The following PDGFC variants were observed in gnomAD, a reference collection of about 807,000 sequenced individuals.
PDGFC encodes platelet derived growth factor C, also known as platelet-derived growth factor C.
A neutral mutation model predicts 35.5 loss-of-function variants in PDGFC; 12 were observed. The ratio of observed to expected loss-of-function variants is 0.34; its 90% CI spans 0.22 to 0.55. The LOEUF is 0.55. PDGFC is among the 20% of genes least tolerant of loss of function. The probability of loss-of-function intolerance (pLI) is 0.91; values close to 1 mark genes in which losing one functional copy is unlikely to be tolerated. For synonymous variants in PDGFC, 159 were observed against 148.8 expected (o/e 1.07, Z -0.50); for missense variants, 322 against 412.4 (o/e 0.78, Z 1.90).
intron 1 of PDGFC, among the ~76,000 whole-genome samples, chr4:156,870,054 C>T (rs1729942617): frequency 1.3e-5 from 2 of 151,510 alleles, no homozygotes; most frequent in Non-Finnish European, 2.9e-5. Flanking sequence ...TTCTAAATAT[C>T]ACTTACTGTA....
At chr4:156,853,052 A>G (rs1729492756) in intron 1 of PDGFC, among the ~76,000 whole-genome samples, 1 of 152,204 alleles carries the variant, frequency 6.6e-6, no homozygotes, top group Non-Finnish European at 1.5e-5. Context: ...CCTAACTGAC[A>G]GAACTGAAGT....
intron 3 of PDGFC, among the ~76,000 whole-genome samples, chr4:156,785,857 A>G (rs927973279): frequency 2.0e-5 from 3 of 152,318 alleles, no homozygotes; most frequent in Middle Eastern, 3.4e-3. Flanking sequence ...CAGTTGATCA[A>G]TATCTTCCCA....
chr4:156,959,474 G>A (rs1312210232), intron 1 of PDGFC, among the ~76,000 whole-genome samples: 2 of 151,868 alleles, frequency 1.3e-5, no homozygotes, highest in East Asian at 1.9e-4. Context: ...GTTTAAGAGT[G>A]TTTGAATGAG....
At chr4:156,918,332 T>C (rs1731196685) in intron 1 of PDGFC, among the ~76,000 whole-genome samples, 1 of 152,256 alleles carries the variant, frequency 6.6e-6, no homozygotes, top group Non-Finnish European at 1.5e-5. Flanking sequence ...TCAATTATTT[T>C]AGCACTAAAG....
intron 1 of PDGFC, among the ~76,000 whole-genome samples, chr4:156,875,482 T>C (rs1405672489): frequency 3.3e-5 from 5 of 152,120 alleles, no homozygotes; most frequent in African/African-American, 1.2e-4. Flanking sequence ...TATCTGCCAG[T>C]AAAAACCTAG....
chr4:156,916,344 T>C (rs2110824433), intron 1 of PDGFC, among the ~76,000 whole-genome samples: 1 of 152,318 alleles, frequency 6.6e-6, no homozygotes, highest in South Asian at 2.1e-4. Context: ...GTTGTTTATG[T>C]CCCTCATCCT....
chr4:156,835,735 C>G (rs1729047725), intron 2 of PDGFC, among the ~76,000 whole-genome samples: 1 of 152,170 alleles, frequency 6.6e-6, no homozygotes, highest in African/African-American at 2.4e-5. Flanking sequence ...TAGAACTGAA[C>G]TGGAAACATC....
intron 1 of PDGFC, among the ~76,000 whole-genome samples, chr4:156,931,283 G>A (rs935017763): frequency 6.6e-6 from 1 of 152,136 alleles, no homozygotes; most frequent in Non-Finnish European, 1.5e-5. Flanking sequence ...TAGAGTTTCT[G>A]AAAAGATAAC....
intron 3 of PDGFC, among the ~76,000 whole-genome samples, chr4:156,782,208 C>A (rs569994868): frequency 4.6e-5 from 7 of 152,228 alleles, no homozygotes; most frequent in African/African-American, 1.7e-4. Context: ...GCTACGAATA[C>A]CTCTGTGCTA....
chr4:156,930,693 C>T (rs913963191), intron 1 of PDGFC, among the ~76,000 whole-genome samples: 1 of 151,960 alleles, frequency 6.6e-6, no homozygotes, highest in African/African-American at 2.4e-5. Context: ...TATGGTGAAA[C>T]CCTGTCTCTA....
intron 3 of PDGFC, chr4:156,779,057 G>A (rs1472550506): frequency 2.3e-6 from 1 of 444,418 alleles, no homozygotes; most frequent in Non-Finnish European, 4.5e-6. Context: ...TTTATGTAAT[G>A]TCAAACTGAT....
intron 3 of PDGFC, among the ~76,000 whole-genome samples, chr4:156,801,680 A>T (rs1029462555): frequency 5.9e-5 from 9 of 152,192 alleles, no homozygotes; most frequent in Non-Finnish European, 1.3e-4. Context: ...AATCTTTAAT[A>T]TGCACATCAA....
chr4:156,873,723 G>A (rs956461460), intron 1 of PDGFC, among the ~76,000 whole-genome samples: 1 of 152,120 alleles, frequency 6.6e-6, no homozygotes. Context: ...ATGGCACCAG[G>A]GCTAATGTGT....
In PDGFC at chr4:156,970,770, T is replaced by TG. The variant is rs1219974047; in HGVS notation, c.118+15dup. On this transcript the variant is annotated intron_variant, in intron 1 of 5. Transcript: ENST00000502773. ...CAGCGAGAAACAAGCAGGGGGAGAATGGGGGAAAGACTCACCGTTCTGTTC... is the reference window on the plus strand; with the variant it reads ...CAGCGAGAAACAAGCAGGGGGAGAATGGGGGGAAAGACTCACCGTTCTGTTC... The TG allele has an allele frequency of 6.1e-6, 9 of 1,482,386 alleles. No individual in the cohort carries two copies. The highest frequency in any genetic ancestry group is 7.5e-6 in the Non-Finnish European group (8 of 1,060,064). 91.8% of individuals were successfully genotyped at this position (1,482,386 alleles called of 1,614,324 possible).
At chr4:156,943,210 G>T (rs1287022106) in intron 1 of PDGFC, among the ~76,000 whole-genome samples, 2 of 151,978 alleles carry the variant, frequency 1.3e-5, no homozygotes, top group Non-Finnish European at 2.9e-5. Flanking sequence ...CAGAAATGAC[G>T]CAAATACAGC....
At chr4:156,939,753 C>T (rs1441202039) in intron 1 of PDGFC, among the ~76,000 whole-genome samples, 1 of 152,072 alleles carries the variant, frequency 6.6e-6, no homozygotes, top group Non-Finnish European at 1.5e-5. Flanking sequence ...CTGATCATTC[C>T]TCTACAAGCC....
intron 1 of PDGFC, among the ~76,000 whole-genome samples, chr4:156,869,330 G>A (rs536691008): frequency 6.8e-4 from 103 of 151,954 alleles, no homozygotes; most frequent in African/African-American, 2.1e-3. Flanking sequence ...CAGCTACTCC[G>A]GAGGCTGAGG....
At chr4:156,826,697 G>C (rs574742034) in intron 2 of PDGFC, among the ~76,000 whole-genome samples, 1 of 152,210 alleles carries the variant, frequency 6.6e-6, no homozygotes, top group South Asian at 2.1e-4. Context: ...AAAAAGCTGA[G>C]AGAAACATTT....
intron 1 of PDGFC, among the ~76,000 whole-genome samples, chr4:156,897,467 C>A (rs891908180): frequency 2.0e-5 from 3 of 151,958 alleles, no homozygotes; most frequent in South Asian, 2.1e-4. Flanking sequence ...TACACATACA[C>A]TTTCTGGCCC....
Sources: allele counts gnomAD v4.1 joint callset (sites outside exome capture counted in the v4.1 genomes callset), GRCh38; gene constraint gnomAD v4.1.1; transcripts MANE v1.5; gene names NCBI Gene and HGNC (gene_info 2026-07-23, HGNC 2026-07-21).